FGGY: variants seen among roughly 807,000 people sequenced by gnomAD.
The protein encoded by FGGY is FGGY carbohydrate kinase domain containing.
A neutral mutation model predicts 71.3 loss-of-function variants in FGGY; 72 were observed. The observed-to-expected ratio is 1.01, with a 90% confidence interval of 0.84 to 1.23. The LOEUF is 1.23. Among genes scored for constraint, FGGY ranks in the 50% most tolerant of loss-of-function variants. FGGY has a pLI of 0.00. For synonymous variants in FGGY, 251 were observed against 250.3 expected (o/e 1.00, Z -0.02); for missense variants, 668 against 682.3 (o/e 0.98, Z 0.23).
chr1:59,546,492 GGATGAT>G (rs371455666), intron 7 of FGGY, among the ~76,000 whole-genome samples: 1,381 of 115,410 alleles, frequency 0.012, 16 homozygotes, highest in Non-Finnish European at 0.015. Context: ...TTAAAGCATA[GGATGAT>G]GATGATGATG....
rs145413825 is a variant in FGGY at position 59,638,364 on chromosome 1, C to G, written c.1210C>G (p.Leu404Val). Residue 404 changes from leucine to valine, a missense_variant, in exon 11 of 16, where the codon CTA becomes GTA. Transcript: ENST00000303721. ...GNRSPLADLTLKGMVTGLKLS... is the reference protein window; with the variant it reads ...GNRSPLADLTVKGMVTGLKLS... The stretch of plus-strand genomic sequence containing the variant: ...CCGGTCTCCCTTAGCAGATCTGACA[C>G]TAAAGGGCATGGTAAGTAACAGCTA... 2.5e-5 allele frequency: 40 copies of G among 1,614,174 alleles called. No homozygotes were observed. Among genetic ancestry groups the G allele is most frequent in the East Asian group, 1.1e-4 (5 of 44,880 alleles).
At chr1:59,678,065 G>A (rs565805010) in intron 14 of FGGY, among the ~76,000 whole-genome samples, 1 of 152,256 alleles carries the variant, frequency 6.6e-6, no homozygotes, top group African/African-American at 2.4e-5. Context: ...TCAAAACTGT[G>A]TCTTTACTAA....
At chr1:59,360,383 G>A (rs921025559) in intron 4 of FGGY, among the ~76,000 whole-genome samples, 2 of 152,084 alleles carry the variant, frequency 1.3e-5, no homozygotes, top group African/African-American at 2.4e-5. Context: ...ACAAGCCCAC[G>A]GACCTGAGAA....
intron 11 of FGGY, among the ~76,000 whole-genome samples, chr1:59,654,413 TG>T (rs1266286467): frequency 6.6e-5 from 10 of 152,320 alleles, no homozygotes; most frequent in African/African-American, 2.4e-4. Context: ...AAGCTTTCAG[TG>T]AATTCCCCTG....
At chr1:59,620,926 T>C (rs1162644317) in intron 9 of FGGY, among the ~76,000 whole-genome samples, 1 of 152,120 alleles carries the variant, frequency 6.6e-6, no homozygotes, top group African/African-American at 2.4e-5. Flanking sequence ...TACTCTTGAC[T>C]ACCATAACAA....
chr1:59,647,196 T>G (rs1269476467), intron 11 of FGGY, among the ~76,000 whole-genome samples: 1 of 152,136 alleles, frequency 6.6e-6, no homozygotes, highest in Non-Finnish European at 1.5e-5. Flanking sequence ...ATAATCTTGG[T>G]GTGCAGACCC....
intron 8 of FGGY, among the ~76,000 whole-genome samples, chr1:59,565,407 C>T (rs183462506): frequency 1.3e-5 from 2 of 152,244 alleles, no homozygotes; most frequent in South Asian, 2.1e-4. Context: ...GCCTCAGCCT[C>T]CTGAGTAGCT....
chr1:59,356,840 A>C (rs1169147870), intron 4 of FGGY, among the ~76,000 whole-genome samples: 1 of 152,144 alleles, frequency 6.6e-6, no homozygotes, highest in Admixed American at 6.5e-5. Context: ...CTTATTTTGT[A>C]TGCAAAGTGA....
chr1:59,703,163 A>G (rs191871393), intron 14 of FGGY, among the ~76,000 whole-genome samples: 21 of 152,344 alleles, frequency 1.4e-4, no homozygotes, highest in Admixed American at 1.2e-3. Context: ...ACTATTTGTC[A>G]TAATTATTCC....
chr1:59,314,069 C>T (rs2044920023), intron 1 of FGGY, among the ~76,000 whole-genome samples: 1 of 151,988 alleles, frequency 6.6e-6, no homozygotes, highest in African/African-American at 2.4e-5. Flanking sequence ...AGGTTCACGC[C>T]ATTCTCCTGT....
intron 5 of FGGY, among the ~76,000 whole-genome samples, chr1:59,393,608 C>A (rs1019903445): frequency 6.6e-5 from 10 of 151,946 alleles, no homozygotes; most frequent in Non-Finnish European, 1.5e-4. Context: ...TTCTCTCTTA[C>A]TTACTTTGGC....
intron 14 of FGGY, among the ~76,000 whole-genome samples, chr1:59,683,854 G>A (rs1287178653): frequency 1.3e-5 from 2 of 152,180 alleles, no homozygotes; most frequent in Non-Finnish European, 2.9e-5. Flanking sequence ...GAATATTGAA[G>A]GGGAAGCCAA....
chr1:59,398,226 A>T (rs1046846708), intron 5 of FGGY, among the ~76,000 whole-genome samples: 1 of 152,030 alleles, frequency 6.6e-6, no homozygotes, highest in African/African-American at 2.4e-5. Context: ...ATTGTTGATC[A>T]TGATTTTACT....
intron 10 of FGGY, among the ~76,000 whole-genome samples, chr1:59,637,772 A>G (rs769638294): frequency 1.1e-4 from 17 of 152,190 alleles, no homozygotes; most frequent in Non-Finnish European, 2.1e-4. Flanking sequence ...TCAACTCATC[A>G]TCATTATTAC....
chr1:59,581,910 T>C (rs1412486975), intron 8 of FGGY, among the ~76,000 whole-genome samples: 1 of 150,008 alleles, frequency 6.7e-6, no homozygotes, highest in Non-Finnish European at 1.5e-5. Flanking sequence ...CTATCAACTC[T>C]GTAATAACAT....
intron 8 of FGGY, among the ~76,000 whole-genome samples, chr1:59,567,964 A>G (rs1354700824): frequency 6.6e-6 from 1 of 151,458 alleles, no homozygotes; most frequent in Non-Finnish European, 1.5e-5. Flanking sequence ...CCTGTGTTCT[A>G]GCAGGTGCAT....
intron 8 of FGGY, among the ~76,000 whole-genome samples, chr1:59,564,792 T>C (rs115906524): frequency 1.3e-3 from 193 of 152,342 alleles, no homozygotes; most frequent in African/African-American, 4.5e-3. Flanking sequence ...CAGGGATATC[T>C]GGCCCCATGT....
chr1:59,664,339 C>T (rs1345570142), intron 12 of FGGY, among the ~76,000 whole-genome samples: 10 of 152,216 alleles, frequency 6.6e-5, no homozygotes, highest in Admixed American at 5.9e-4. Flanking sequence ...GGAAGGTCCT[C>T]TAAGGAACCG....
intron 5 of FGGY, among the ~76,000 whole-genome samples, chr1:59,397,061 G>T (rs561814631): frequency 1.3e-5 from 2 of 151,082 alleles, no homozygotes; most frequent in South Asian, 2.1e-4. Flanking sequence ...TAAAAGAAAG[G>T]TATCTAAAAG....
Sources: gnomAD v4.1 joint callset for allele counts (sites outside exome capture counted in the v4.1 genomes callset) on GRCh38, gnomAD v4.1.1 for gene constraint, MANE v1.5 for transcripts, NCBI Gene and HGNC (gene_info 2026-07-23, HGNC 2026-07-21) for gene names.